The following NBN variants were observed in gnomAD, a reference collection of about 807,000 sequenced individuals.
NBN encodes nibrin.
NBN carries 88 observed loss-of-function variants against 90.8 expected under a neutral mutation model. That is an observed-to-expected ratio of 0.97 (90% CI 0.82 to 1.16). The LOEUF is 1.16. Ranked by LOEUF, NBN falls within the 50% of genes most tolerant of loss-of-function variation. NBN has a pLI of 0.00. For synonymous variants in NBN, 328 were observed against 295.1 expected, an observed-to-expected ratio of 1.11 and a Z score of -1.14; for missense variants, 894 against 869.6, an observed-to-expected ratio of 1.03 and a Z score of -0.35.
intron 14 of NBN, among the ~76,000 whole-genome samples, chr8:89,939,150 C>A (rs550278534): frequency 2.0e-5 from 3 of 151,870 alleles, no homozygotes; most frequent in Non-Finnish European, 4.4e-5. Context: ...GGAACTGACG[C>A]AGTGATTATG....
intron 4 of NBN, among the ~76,000 whole-genome samples, chr8:89,978,643 T>G (rs1811890043): frequency 6.6e-6 from 1 of 152,188 alleles, no homozygotes; most frequent in Non-Finnish European, 1.5e-5. Context: ...TGCATTCCAC[T>G]TTCGAAGACA....
chr8:89,947,901 A>G lies in NBN; in HGVS notation c.1846-9T>C, dbSNP rs1554556966. On this transcript the variant is annotated splice_polypyrimidine_tract_variant and intron_variant, in intron 11 of 15. Transcript: ENST00000265433. ...CCAATTTCATTTTCTTGCTAAAGAA[A>G]TAAAATAAAAAATACTGTTCATAGG... The G allele has an allele frequency of 1.3e-6, 2 of 1,515,378 alleles. No homozygotes were observed. Among genetic ancestry groups the G allele is most frequent in the Non-Finnish European group, 1.8e-6 (2 of 1,102,894 alleles). 93.9% of individuals were successfully genotyped at this position (1,515,378 alleles called of 1,614,324 possible).
At chr8:89,974,480 G>C (rs1207944341) in intron 5 of NBN, among the ~76,000 whole-genome samples, 1 of 152,086 alleles carries the variant, frequency 6.6e-6, no homozygotes, top group African/African-American at 2.4e-5. Flanking sequence ...TCTGAGATTT[G>C]ATTATCAGCT....
intron 9 of NBN, among the ~76,000 whole-genome samples, 175 bp downstream of exon 9, chr8:89,958,550 C>T (rs1015438672): frequency 4.6e-5 from 7 of 152,162 alleles, no homozygotes; most frequent in African/African-American, 1.7e-4. Context: ...AACTACTCGC[C>T]GCTCCTTTAC....
At chr8:89,967,015 GGTCCTC>G (rs1811285290) in intron 7 of NBN, among the ~76,000 whole-genome samples, 13 of 152,280 alleles carry the variant, frequency 8.5e-5, no homozygotes, top group African/African-American at 3.1e-4. Flanking sequence ...CTATATAGCA[GGTCCTC>G]GAATAACATC....
chr8:89,972,799 G>A (rs2129850023), intron 5 of NBN, among the ~76,000 whole-genome samples: 1 of 152,232 alleles, frequency 6.6e-6, no homozygotes, highest in East Asian at 1.9e-4. Context: ...AAAACAGTAA[G>A]GAAATGTTTA....
At position 89,933,619 on chromosome 8, in the gene NBN, A is replaced by T. The variant is rs544852343; in HGVS notation, c.*1963T>A. 4.3e-6 allele frequency: 1 copy of T among 232,360 alleles called. No individual in the cohort carries two copies. The highest frequency in any genetic ancestry group is 6.1e-5 in the East Asian group (1 of 16,346). 14.4% of individuals were successfully genotyped at this position (232,360 alleles called of 1,614,324 possible). A position where few individuals can be genotyped will look rare whatever the true frequency, so the allele number is the denominator to read the frequency against. Reference sequence around the variant, plus strand: ...AACCCTGATCCATAATTCACAACATACATATCAATTCAAGGTAGATCACAA... The same window carrying T: ...AACCCTGATCCATAATTCACAACATTCATATCAATTCAAGGTAGATCACAA... On this transcript the variant is annotated 3_prime_UTR_variant, in exon 16 of 16. Transcript: ENST00000265433.
At chr8:89,947,033 T>C (rs1404548414) in intron 12 of NBN, among the ~76,000 whole-genome samples, 1 of 150,840 alleles carries the variant, frequency 6.6e-6, no homozygotes, top group African/African-American at 2.4e-5. Flanking sequence ...AGGTCTAAGA[T>C]AAAAGCAGTC....
intron 7 of NBN, 103 bp from the exon 8 acceptor site, chr8:89,964,610 A>G (rs1469347025): frequency 8.7e-7 from 1 of 1,143,324 alleles, no homozygotes; most frequent in African/African-American, 1.6e-5. Context: ...CTCCCAAATA[A>G]TTTTATGGTA....
chr8:89,972,340 G>C (rs1447058153), intron 5 of NBN, among the ~76,000 whole-genome samples: 1 of 152,234 alleles, frequency 6.6e-6, no homozygotes, highest in Non-Finnish European at 1.5e-5. Flanking sequence ...AATAGATGCT[G>C]TAAGTCTGTT....
chr8:89,980,561 T>C (rs958523722), intron 4 of NBN, among the ~76,000 whole-genome samples, 173 bp downstream of exon 4: 3 of 151,958 alleles, frequency 2.0e-5, no homozygotes, highest in Non-Finnish European at 2.9e-5. Context: ...AAACAGGTTA[T>C]ATGAAAAGCC....
intron 1 of NBN, 37 bp from the exon 2 acceptor site, chr8:89,982,892 T>TA: frequency 6.3e-7 from 1 of 1,594,706 alleles, no homozygotes; most frequent in Non-Finnish European, 8.6e-7. Flanking sequence ...GATAAGTTGA[T>TA]AGACACATAC....
intron 13 of NBN, among the ~76,000 whole-genome samples, chr8:89,943,591 G>GT (rs1157463768): frequency 6.6e-6 from 1 of 151,982 alleles, no homozygotes; most frequent in African/African-American, 2.4e-5. Flanking sequence ...TGGGATTTAT[G>GT]TATTAAAAAT....
intron 11 of NBN, among the ~76,000 whole-genome samples, chr8:89,949,354 C>T (rs1810338956): frequency 6.6e-6 from 1 of 152,054 alleles, no homozygotes; most frequent in African/African-American, 2.4e-5. Context: ...CTACAGGGTA[C>T]TGGAAAATGC....
intron 11 of NBN, among the ~76,000 whole-genome samples, chr8:89,951,564 T>C (rs1351928708): frequency 6.6e-6 from 1 of 152,134 alleles, no homozygotes; most frequent in South Asian, 2.1e-4. Context: ...AGAATAAAGA[T>C]AGCTTTATAA....
At chr8:89,970,264 C>A (rs142727412) in intron 7 of NBN, 100 bp downstream of exon 7, 20 of 1,055,376 alleles carry the variant, frequency 1.9e-5, no homozygotes, top group South Asian at 5.6e-5. Flanking sequence ...AAAAAAAATT[C>A]TTGTATCTAC....
intron 7 of NBN, among the ~76,000 whole-genome samples, chr8:89,964,773 A>G (rs892626737): frequency 1.3e-5 from 2 of 152,144 alleles, no homozygotes; most frequent in African/African-American, 4.8e-5. Flanking sequence ...AAATTCTACA[A>G]TTTTTGGAAT....
chr8:89,978,236 G>T lies in NBN; in HGVS notation c.568C>A (p.Pro190Thr). 6.2e-7 allele frequency: 1 copy of T among 1,605,150 alleles called. No individual in the cohort carries two copies. Among genetic ancestry groups the T allele is most frequent in the Non-Finnish European group, 8.5e-7 (1 of 1,172,142 alleles). Residue 190 changes from proline to threonine, a missense_variant, in exon 5 of 16, where the codon CCT (proline) becomes ACT (threonine). Physicochemically the swap from Pro to Thr is conservative, Grantham distance 38. Coordinates refer to ENST00000265433, the MANE Select transcript of NBN (RefSeq NM_002485.5). ...FLKAVESKKQ[P>T]PQIESFYPPL... Reference sequence around the variant, plus strand: ...ATAATATACCTTTCAATTTGTGGAGGCTGCTTCTTGGACTCAACTGCTTTC... The same window carrying T: ...ATAATATACCTTTCAATTTGTGGAGTCTGCTTCTTGGACTCAACTGCTTTC...
intron 7 of NBN, among the ~76,000 whole-genome samples, chr8:89,967,393 C>T (rs933259991): frequency 2.0e-5 from 3 of 152,184 alleles, no homozygotes; most frequent in African/African-American, 7.2e-5. Flanking sequence ...TAGGGGTAAC[C>T]ACGTAAGTTA....
Sources: gnomAD v4.1 joint callset for allele counts (sites outside exome capture counted in the v4.1 genomes callset) on GRCh38, gnomAD v4.1.1 for gene constraint, MANE v1.5 for transcripts, NCBI Gene and HGNC (gene_info 2026-07-23, HGNC 2026-07-21) for gene names.